Variants in ST7 observed in about 807,000 individuals in gnomAD.
ST7 encodes suppression of tumorigenicity 7.
A neutral mutation model predicts 78.7 loss-of-function variants in ST7; 28 were observed. The ratio of observed to expected loss-of-function variants is 0.36; its 90% confidence interval spans 0.26 to 0.49. The LOEUF (loss-of-function observed/expected upper bound fraction) is 0.49. Among genes scored for constraint, ST7 ranks in the 20% least tolerant of loss-of-function variants. ST7 has a pLI of 0.99. For missense variants in ST7, 418 were observed against 696.0 expected, an observed-to-expected ratio of 0.60 and a Z score of 4.49; for synonymous variants, 247 against 249.6, an observed-to-expected ratio of 0.99 and a Z score of 0.10.
At chr7:117,008,733 G>A (rs573541355) in intron 1 of ST7, among the ~76,000 whole-genome samples, 3 of 152,246 alleles carry the variant, frequency 2.0e-5, no homozygotes, top group East Asian at 1.9e-4. Flanking sequence ...CATTATCTTC[G>A]TGAGTCTTGT....
chr7:117,036,078 G>A (rs965426705), intron 1 of ST7, among the ~76,000 whole-genome samples: 1 of 152,170 alleles, frequency 6.6e-6, no homozygotes, highest in Non-Finnish European at 1.5e-5. Context: ...TGCATTTGTG[G>A]AGTCTGAGGC....
intron 1 of ST7, among the ~76,000 whole-genome samples, chr7:117,055,860 A>C (rs1398003690): frequency 6.6e-6 from 1 of 152,170 alleles, no homozygotes; most frequent in East Asian, 1.9e-4. Context: ...ATATAAAGGC[A>C]AATTTATTAA....
intron 3 of ST7, among the ~76,000 whole-genome samples, chr7:117,120,236 A>AT (rs1803258906): frequency 6.6e-6 from 1 of 151,946 alleles, no homozygotes; most frequent in East Asian, 1.9e-4. Context: ...AGCTAATGTT[A>AT]TTTTTTCCCA....
intron 1 of ST7, among the ~76,000 whole-genome samples, chr7:116,990,992 T>G (rs1249710746): frequency 1.3e-5 from 2 of 152,220 alleles, no homozygotes; most frequent in African/African-American, 4.8e-5. Context: ...ACATTACCAG[T>G]ACTGAGAGGC....
chr7:117,155,119 G>C (rs1338537272), intron 9 of ST7, among the ~76,000 whole-genome samples: 1 of 152,138 alleles, frequency 6.6e-6, no homozygotes, highest in Admixed American at 6.6e-5. Flanking sequence ...ATTTAGATAA[G>C]TGCTCAGGAA....
At chr7:117,206,584 T>C (rs1322461069) in intron 12 of ST7, among the ~76,000 whole-genome samples, 2 of 152,194 alleles carry the variant, frequency 1.3e-5, no homozygotes, top group East Asian at 1.9e-4. Flanking sequence ...ATGTATCCCA[T>C]TGATCCTGCA....
chr7:117,020,560 TCC>T, intron 1 of ST7: 2 of 1,543,468 alleles, frequency 1.3e-6, no homozygotes, highest in Admixed American at 2.0e-5. Context: ...CTTTTTTTTT[TCC>T]CTTTTCTTTC....
At chr7:116,986,391 T>A (rs1178728065) in intron 1 of ST7, among the ~76,000 whole-genome samples, 1 of 152,146 alleles carries the variant, frequency 6.6e-6, no homozygotes, top group Non-Finnish European at 1.5e-5. Context: ...TAAGGAAAAG[T>A]GAAAAATTTT....
rs930241877 is a variant in ST7, at chr7:117,024,813, A to G, written c.151+71122A>G. Among the ~76,000 whole-genome samples the G allele has an allele frequency of 5.9e-4, 89 of 152,132 alleles. 2 individuals carry two copies. Among genetic ancestry groups the G allele is most frequent in the Non-Finnish European group, 1.8e-4 (12 of 68,030 alleles). ...TCCCTGCCATTCCCTGGATAGCTAC[A>G]TCACCTGGGGTAGGCAGCCAGATGC... On this transcript the variant is annotated intron_variant, in intron 1 of 15. Coordinates refer to ENST00000323984, the MANE Select transcript of ST7 (RefSeq NM_001369598.1).
intron 12 of ST7, among the ~76,000 whole-genome samples, chr7:117,205,891 G>A (rs1407521159): frequency 6.6e-6 from 1 of 152,190 alleles, no homozygotes; most frequent in Admixed American, 6.5e-5. Context: ...TATTATAGAT[G>A]GACAAAGCGT....
chr7:117,046,609 C>T (rs963755347), intron 1 of ST7, among the ~76,000 whole-genome samples: 15 of 152,080 alleles, frequency 9.9e-5, no homozygotes, highest in African/African-American at 3.4e-4. Flanking sequence ...TTCTTCTATT[C>T]TTCTTTGTTT....
At chr7:117,047,258 G>T (rs1797538583) in intron 1 of ST7, among the ~76,000 whole-genome samples, 1 of 152,092 alleles carries the variant, frequency 6.6e-6, no homozygotes, top group African/African-American at 2.4e-5. Context: ...GTTATAAGTT[G>T]AAAATGTTAA....
chr7:117,035,526 C>T (rs547490969), intron 1 of ST7, among the ~76,000 whole-genome samples: 9 of 152,204 alleles, frequency 5.9e-5, no homozygotes, highest in Admixed American at 3.9e-4. Context: ...AAGTAAAACA[C>T]GCATATATAG....
intron 1 of ST7, among the ~76,000 whole-genome samples, chr7:117,067,781 G>T (rs973377452): frequency 2.0e-5 from 3 of 152,186 alleles, no homozygotes; most frequent in Non-Finnish European, 4.4e-5. Context: ...TACAATCTTT[G>T]TCAGACCCAA....
intron 9 of ST7, among the ~76,000 whole-genome samples, chr7:117,148,438 T>A (rs1006421981): frequency 6.6e-6 from 1 of 152,232 alleles, no homozygotes; most frequent in African/African-American, 2.4e-5. Flanking sequence ...GAATATTGTC[T>A]TTATTCAAAT....
chr7:117,016,077 A>G (rs751995927), intron 1 of ST7, among the ~76,000 whole-genome samples: 2 of 152,220 alleles, frequency 1.3e-5, no homozygotes, highest in African/African-American at 4.8e-5. Flanking sequence ...CTTCTGTGGT[A>G]GATACTTTTT....
intron 1 of ST7, chr7:116,972,306 A>C (rs1793467055): frequency 1.7e-6 from 1 of 581,878 alleles, no homozygotes; most frequent in Non-Finnish European, 3.2e-6. Flanking sequence ...CAAACCCATC[A>C]CGGGCCTCTC....
rs1584649650 is a variant in ST7 at position 117,097,895 on chromosome 7, TA to T, written c.152-1866del. On this transcript the variant is annotated intron_variant, in intron 1 of 15. Coordinates refer to ENST00000323984, the MANE Select transcript of ST7 (RefSeq NM_001369598.1). ...TGACATATCACTATATATATATATA[TA>T]TATATATATATATTTTTTTTTTTTT... 4.5e-4 allele frequency among the ~76,000 whole-genome samples: 11 copies of T among 24,382 alleles called. No homozygotes were observed. In the South Asian group the frequency reaches 5.1e-3, roughly 11 times the overall value. The allele number at this position is 24,382 out of a possible 152,430, so 16.0% of individuals were successfully genotyped here.
intron 12 of ST7, among the ~76,000 whole-genome samples, chr7:117,209,141 T>C (rs1411748208): frequency 6.6e-6 from 1 of 152,170 alleles, no homozygotes; most frequent in Admixed American, 6.5e-5. Context: ...TTGTAGAAGA[T>C]AGCAATGAAG....
Sources: allele counts gnomAD v4.1 joint callset (sites outside exome capture counted in the v4.1 genomes callset), GRCh38; gene constraint gnomAD v4.1.1; transcripts MANE v1.5; gene names NCBI Gene and HGNC (gene_info 2026-07-23, HGNC 2026-07-21).